Variants in ONECUT2 observed in about 807,000 individuals in gnomAD.
ONECUT2 encodes the protein one cut domain family member 2.
ONECUT2 carries 10 observed loss-of-function variants against 27.9 expected under a neutral mutation model. The observed-to-expected ratio is 0.36, with a 90% CI of 0.22 to 0.61. The LOEUF (loss-of-function observed/expected upper bound fraction) is 0.61. Among genes scored for constraint, ONECUT2 ranks in the 20% least tolerant of loss-of-function variants. The pLI is 0.73. For synonymous variants in ONECUT2, 334 were observed against 315.1 expected (o/e 1.06, Z -0.64); for missense variants, 686 against 721.0 (o/e 0.95, Z 0.56).
At chr18:57,457,616 A>T (rs1307959643) in intron 1 of ONECUT2, among the ~76,000 whole-genome samples, 1 of 152,182 alleles carries the variant, frequency 6.6e-6, no homozygotes, top group Non-Finnish European at 1.5e-5. Context: ...ACTGCCTGTG[A>T]ATAGCCACTG....
At position 57,482,060 on chromosome 18, in the gene ONECUT2, A is replaced by G. The variant is rs2050418706; in HGVS notation, c.*5337A>G. 1 of 152,214 alleles carries G rather than the reference A, an allele frequency of 6.6e-6. No individual in the cohort carries two copies. Among genetic ancestry groups the G allele is most frequent in the African/African-American group, 2.4e-5 (1 of 41,450 alleles). 9.4% of individuals were successfully genotyped at this position (152,214 alleles called of 1,614,324 possible). A position where few individuals can be genotyped will look rare whatever the true frequency, so the allele number is the denominator to read the frequency against. On this transcript the variant is annotated 3_prime_UTR_variant, in exon 2 of 2. Transcript: ENST00000491143. Reference sequence around the variant, plus strand: ...AGTAATTTTTTTATCTTTAGCTAAGATCAAGTCACCCCTGAAACAACAGGA... The same window carrying G: ...AGTAATTTTTTTATCTTTAGCTAAGGTCAAGTCACCCCTGAAACAACAGGA...
chr18:57,475,745 C>G (rs1369307412), intron 1 of ONECUT2, among the ~76,000 whole-genome samples: 1 of 152,210 alleles, frequency 6.6e-6, no homozygotes, highest in Non-Finnish European at 1.5e-5. Flanking sequence ...CTTCTTCCCC[C>G]ACCCTCATCC....
intron 1 of ONECUT2, among the ~76,000 whole-genome samples, chr18:57,468,691 T>A (rs1181510424): frequency 3.9e-5 from 6 of 152,120 alleles, no homozygotes; most frequent in Admixed American, 3.9e-4. Context: ...GGCCCCCTGC[T>A]CCCAGGGTCT....
chr18:57,444,284 C>T (rs940462882), intron 1 of ONECUT2: 1 of 450,142 alleles, frequency 2.2e-6, no homozygotes, highest in Admixed American at 2.4e-5. Context: ...ACTAGGTTGA[C>T]TGGCTCACCA....
At chr18:57,438,841 G>C (rs564497924) in intron 1 of ONECUT2, among the ~76,000 whole-genome samples, 1 of 152,312 alleles carries the variant, frequency 6.6e-6, no homozygotes, top group Admixed American at 6.5e-5. Flanking sequence ...AGCCAGTAGA[G>C]AGCGATAATA....
chr18:57,469,594 A>C (rs2050342494), intron 1 of ONECUT2, among the ~76,000 whole-genome samples: 1 of 152,226 alleles, frequency 6.6e-6, no homozygotes, highest in African/African-American at 2.4e-5. Context: ...CTTACCTCTT[A>C]TATGAGGCTG....
In ONECUT2 at chr18:57,436,799, G is replaced by C; in HGVS notation, c.1083G>C (p.Leu361=). The change falls in exon 1 of 2, where the codon CTG becomes CTC. Residue 361 remains leucine, a synonymous_variant. Coordinates refer to ENST00000491143, the MANE Select transcript of ONECUT2 (RefSeq NM_004852.3). This position sits in a 1 kb window ranked among gnomAD's most constrained non-coding sequence, Gnocchi z 5.9. ...IPQAIFAQRV[L]CRSQGTLSDL... is the part of the protein sequence containing the mutation. ...AGGCGATCTTTGCGCAGAGGGTGCT[G>C]TGCCGGTCTCAGGGGACTCTCTCCG... The C allele has an allele frequency of 6.2e-7, 1 of 1,614,062 alleles. No homozygotes were observed. Among genetic ancestry groups the C allele is most frequent in the Non-Finnish European group, 8.5e-7 (1 of 1,180,042 alleles).
intron 1 of ONECUT2, among the ~76,000 whole-genome samples, chr18:57,465,165 GTTGT>G (rs1003884077): frequency 1.5e-4 from 23 of 152,080 alleles, no homozygotes; most frequent in African/African-American, 5.1e-4. Flanking sequence ...GGGGGCGGGG[GTTGT>G]TTGTTTGTTT....
rs1403857646 is a variant in ONECUT2 at position 57,436,227 on chromosome 18, C to A, written c.511C>A (p.His171Asn). The A allele has an allele frequency of 6.2e-7, 1 of 1,603,488 alleles. No homozygotes were observed. Among genetic ancestry groups the A allele is most frequent in the Non-Finnish European group, 8.5e-7 (1 of 1,177,366 alleles). ...STVSDKFHHPHPHHHPHHHHH... is the reference protein window; with the variant it reads ...STVSDKFHHPNPHHHPHHHHH... ...CGTGTCTGACAAGTTCCACCACCCT[C>A]ACCCGCACCACCATCCGCACCACCA... The change falls in exon 1 of 2, where the codon CAC becomes AAC. Residue 171 changes from histidine to asparagine, a missense_variant. By Grantham distance (68) the His-to-Asn change is moderately conservative. Coordinates refer to ENST00000491143, the MANE Select transcript of ONECUT2 (RefSeq NM_004852.3). The surrounding 1 kb of genome is among the most constrained non-coding windows in gnomAD (Gnocchi z 5.9).
intron 1 of ONECUT2, among the ~76,000 whole-genome samples, chr18:57,445,864 C>T (rs1598931987): frequency 1.3e-5 from 2 of 152,254 alleles, no homozygotes; most frequent in South Asian, 2.1e-4. Flanking sequence ...GAGTCCCCCT[C>T]GGGGAAGAAG....
chr18:57,435,805 G>A lies in ONECUT2; in HGVS notation c.89G>A (p.Gly30Asp). The change falls in exon 1 of 2, where the codon GGC becomes GAC. Residue 30 changes from glycine (G) to aspartate (D), a missense_variant. Gly to Asp is a moderately conservative substitution (Grantham distance 94, BLOSUM62 -1). Coordinates refer to ENST00000491143, the MANE Select transcript of ONECUT2 (RefSeq NM_004852.3). ...CCGGAGCTGACAATGGAAAGTCTGG[G>A]CACTTTGCACGGGCCGGCCGGCGGC... ...MNPELTMESLGTLHGPAGGGS... is the reference protein window; with the variant it reads ...MNPELTMESLDTLHGPAGGGS... 1.7e-6 allele frequency: 2 copies of A among 1,162,536 alleles called. No individual in the cohort carries two copies. Among genetic ancestry groups the A allele is most frequent in the Non-Finnish European group, 2.2e-6 (2 of 918,848 alleles). The allele number at this position is 1,162,536 out of a possible 1,614,324, so 72.0% of individuals were successfully genotyped here. A position where few individuals can be genotyped will look rare whatever the true frequency, so the allele number is the denominator to read the frequency against.
At chr18:57,459,327 A>T (rs745590420) in intron 1 of ONECUT2, among the ~76,000 whole-genome samples, 5 of 152,250 alleles carry the variant, frequency 3.3e-5, no homozygotes, top group Admixed American at 6.5e-5. Context: ...GACTGTGAAC[A>T]AAGATGAGGA....
At chr18:57,464,171 T>C (rs77220127) in intron 1 of ONECUT2, among the ~76,000 whole-genome samples, 191 of 152,320 alleles carry the variant, frequency 1.3e-3, no homozygotes, top group African/African-American at 4.3e-3. Context: ...TCATTAATTA[T>C]AAGCTGCCTC....
In ONECUT2 at chr18:57,455,472, A is replaced by G. The variant is rs372516673; in HGVS notation, c.1228+18528A>G. 1.2e-4 allele frequency among the ~76,000 whole-genome samples: 19 copies of G among 152,328 alleles called. No individual in the cohort carries two copies. In the East Asian group the frequency reaches 2.9e-3, roughly 23 times the overall value. On this transcript the variant is annotated intron_variant, in intron 1 of 1. Transcript: ENST00000491143. Reference sequence around the variant, plus strand: ...TTCATGGCCATATTATTTCATATTCATTAGTGTTTTCATGAAAAATTATAA... The same window carrying G: ...TTCATGGCCATATTATTTCATATTCGTTAGTGTTTTCATGAAAAATTATAA...
Position 57,488,937 on chromosome 18 carries a change from C to T in ONECUT2, c.*12214C>T, listed in dbSNP as rs1362735598. 1 of 152,308 alleles carries T rather than the reference C, an allele frequency of 6.6e-6. No homozygotes were observed. The highest frequency in any genetic ancestry group is 6.5e-5 in the Admixed American group (1 of 15,276). 9.4% of individuals were successfully genotyped at this position (152,308 alleles called of 1,614,324 possible). On this transcript the variant is annotated 3_prime_UTR_variant, in exon 2 of 2. Transcript: ENST00000491143. ...CAACACTTCCCTGCAATCCTTTGGT[C>T]TTGAGCATGTGCCAGCATGAAGGCA...
chr18:57,476,644 G>A lies in ONECUT2; in HGVS notation c.1436G>A (p.Arg479His), dbSNP rs1395310520. ...TVSNFFMNAR[R>H]RSLEKWQDDL... ...AGCAACTTCTTCATGAACGCCCGGCGCCGCAGCCTGGAGAAGTGGCAAGAC... is the reference window on the plus strand; with the variant it reads ...AGCAACTTCTTCATGAACGCCCGGCACCGCAGCCTGGAGAAGTGGCAAGAC... Residue 479 changes from arginine (R) to histidine (H), a missense_variant, in exon 2 of 2, where the codon CGC (arginine) becomes CAC (histidine). Physicochemically the swap from Arg to His is conservative, Grantham distance 29. Coordinates refer to ENST00000491143, the MANE Select transcript of ONECUT2 (RefSeq NM_004852.3). 6.2e-7 allele frequency: 1 copy of A among 1,614,164 alleles called. No homozygotes were observed.
Position 57,435,842 on chromosome 18 carries a change from G to C in ONECUT2, c.126G>C (p.Gly42=), listed in dbSNP as rs1011507708. 7 of 1,028,890 alleles carry C rather than the reference G, an allele frequency of 6.8e-6. No homozygotes were observed. The highest frequency in any genetic ancestry group is 1.8e-5 in the African/African-American group (1 of 56,996). The allele number at this position is 1,028,890 out of a possible 1,614,324, so 63.7% of individuals were successfully genotyped here. A position where few individuals can be genotyped will look rare whatever the true frequency, so the allele number is the denominator to read the frequency against. ...LHGPAGGGSG[G]GGGGGGGGGG... ...GGCCGGCCGGCGGCGGCAGTGGCGG[G>C]GGCGGCGGCGGGGGCGGCGGGGGCG... The change falls in exon 1 of 2, where the codon GGG becomes GGC. Residue 42 remains glycine (G), a synonymous_variant. Coordinates refer to ENST00000491143, the MANE Select transcript of ONECUT2 (RefSeq NM_004852.3).
chr18:57,475,142 C>T (rs2050375079), intron 1 of ONECUT2, among the ~76,000 whole-genome samples: 4 of 148,936 alleles, frequency 2.7e-5, no homozygotes, highest in Admixed American at 1.4e-4. Context: ...CTGCAACTTC[C>T]ACCTCCTGGG....
At chr18:57,447,386 TG>T (rs2050206122) in intron 1 of ONECUT2, among the ~76,000 whole-genome samples, 1 of 152,264 alleles carries the variant, frequency 6.6e-6, no homozygotes, top group Non-Finnish European at 1.5e-5. Context: ...TCTCCAGCTC[TG>T]TAGGTCTCAG....
Sources: allele counts gnomAD v4.1 joint callset (sites outside exome capture counted in the v4.1 genomes callset), GRCh38; gene constraint gnomAD v4.1.1; non-coding constraint Gnocchi (gnomAD v3.1); transcripts MANE v1.5; gene names NCBI Gene and HGNC (gene_info 2026-07-23, HGNC 2026-07-21).